SKAP2: variants seen among roughly 807,000 people sequenced by gnomAD.
SKAP2 encodes the protein src kinase associated phosphoprotein 2.
A neutral mutation model predicts 54.9 loss-of-function variants in SKAP2; 28 were observed. The ratio of observed to expected loss-of-function variants is 0.51; its 90% CI spans 0.38 to 0.70. The LOEUF (loss-of-function observed/expected upper bound fraction) is 0.70, where lower values mean the gene tolerates loss of function less well. Ranked by LOEUF, SKAP2 falls within the 30% of genes least tolerant of loss-of-function variation. SKAP2 has a pLI of 0.00. For missense variants in SKAP2, 356 were observed against 424.1 expected (o/e 0.84, Z 1.41); for synonymous variants, 137 against 134.3 (o/e 1.02, Z -0.14).
chr7:26,730,700 T>C (rs1161605374), intron 6 of SKAP2, among the ~76,000 whole-genome samples: 1 of 152,232 alleles, frequency 6.6e-6, no homozygotes, highest in Non-Finnish European at 1.5e-5. Context: ...AACTAGATAA[T>C]GAAATCTATT....
At chr7:26,706,786 A>C (rs1456711038) in intron 9 of SKAP2, among the ~76,000 whole-genome samples, 1 of 152,246 alleles carries the variant, frequency 6.6e-6, no homozygotes, top group African/African-American at 2.4e-5. Context: ...TTGAAATGCC[A>C]GCCCCATTTT....
At position 26,667,597 on chromosome 7, in the gene SKAP2, G is replaced by T. The variant is rs977740391; in HGVS notation, c.*2069C>A. The T allele has an allele frequency of 6.6e-6, 1 of 152,542 alleles. No individual in the cohort carries two copies. Among genetic ancestry groups the T allele is most frequent in the Non-Finnish European group, 1.5e-5 (1 of 68,042 alleles). The allele number at this position is 152,542 out of a possible 1,614,324, so 9.4% of individuals were successfully genotyped here. A position where few individuals can be genotyped will look rare whatever the true frequency, so the allele number is the denominator to read the frequency against. On this transcript the variant is annotated 3_prime_UTR_variant, in exon 13 of 13. Coordinates refer to ENST00000345317, the MANE Select transcript of SKAP2 (RefSeq NM_003930.5). ...ATTTCTGTATTGTCACTGTTCACGA[G>T]ACTATCTGGCTTGGAACTGTTGGTC...
At chr7:26,686,392 T>C (rs1047018412) in intron 10 of SKAP2, among the ~76,000 whole-genome samples, 2 of 152,060 alleles carry the variant, frequency 1.3e-5, no homozygotes, top group Admixed American at 6.6e-5. Context: ...AGATACCTTA[T>C]TGACTTCTCC....
intron 6 of SKAP2, among the ~76,000 whole-genome samples, chr7:26,728,431 C>G (rs1362444654): frequency 6.6e-6 from 1 of 151,942 alleles, no homozygotes; most frequent in Non-Finnish European, 1.5e-5. Flanking sequence ...TATTTGTCCG[C>G]GGAATCATTT....
intron 4 of SKAP2, among the ~76,000 whole-genome samples, chr7:26,763,523 T>C (rs1299468822): frequency 6.6e-6 from 1 of 152,174 alleles, no homozygotes; most frequent in African/African-American, 2.4e-5. Context: ...CACATGACTG[T>C]TTTTCACTTT....
At chr7:26,848,183 C>A (rs1268666465) in intron 3 of SKAP2, 1 of 152,206 alleles carries the variant, frequency 6.6e-6, no homozygotes, top group East Asian at 1.9e-4. Context: ...TGTAGCCCAA[C>A]AACAACTGAA....
chr7:26,733,412 T>C (rs954480811), intron 6 of SKAP2, among the ~76,000 whole-genome samples: 6 of 151,912 alleles, frequency 3.9e-5, no homozygotes, highest in Non-Finnish European at 7.4e-5. Flanking sequence ...TTCTGTCAAA[T>C]GAATCAGAAG....
At chr7:26,760,406 C>A (rs1402338289) in intron 4 of SKAP2, among the ~76,000 whole-genome samples, 2 of 152,080 alleles carry the variant, frequency 1.3e-5, no homozygotes, top group African/African-American at 4.8e-5. Context: ...TATAGTCACG[C>A]TCCCTTATCT....
chr7:26,711,984 AG>A (rs1290713813), intron 9 of SKAP2, among the ~76,000 whole-genome samples: 1 of 152,074 alleles, frequency 6.6e-6, no homozygotes, highest in African/African-American at 2.4e-5. Flanking sequence ...CCAAATTAGG[AG>A]AGGTGGGGAG....
intron 6 of SKAP2, among the ~76,000 whole-genome samples, chr7:26,734,571 T>C (rs1044438244): frequency 1.3e-5 from 2 of 152,236 alleles, no homozygotes; most frequent in Non-Finnish European, 2.9e-5. Flanking sequence ...AACTGGGAAA[T>C]TTATAAACAA....
intron 4 of SKAP2, among the ~76,000 whole-genome samples, chr7:26,797,777 G>A (rs1783814027): frequency 1.3e-5 from 2 of 151,894 alleles, no homozygotes; most frequent in Non-Finnish European, 2.9e-5. Flanking sequence ...AGAAATTCAA[G>A]ATAACACAGA....
chr7:26,817,969 T>TCATGGATA, intron 4 of SKAP2, among the ~76,000 whole-genome samples: 1 of 152,312 alleles, frequency 6.6e-6, no homozygotes, highest in Non-Finnish European at 1.5e-5. Flanking sequence ...CATTCCATGC[T>TCATGGATA]CATGGATAGG....
At chr7:26,751,311 A>C (rs1040119525) in intron 4 of SKAP2, among the ~76,000 whole-genome samples, 7 of 152,028 alleles carry the variant, frequency 4.6e-5, no homozygotes, top group African/African-American at 1.4e-4. Context: ...TAGTTTGAAA[A>C]CTATCAGACA....
rs564909303 is a variant in SKAP2, at chr7:26,802,743, T to G, written c.307+41287A>C. ...TAAAAATACAAAAATTAGCCAGACA[T>G]GGTAGCACGTGCCTGTAGTCCCAGC... On this transcript the variant is annotated intron_variant, in intron 4 of 12. Transcript: ENST00000345317. Among the ~76,000 whole-genome samples the G allele has an allele frequency of 5.5e-4, 84 of 152,102 alleles. 1 individual carries two copies. In the Middle Eastern group the frequency reaches 0.01, roughly 18 times the overall value.
chr7:26,746,315 C>A (rs76224878), intron 4 of SKAP2, among the ~76,000 whole-genome samples: 7,615 of 152,212 alleles, frequency 0.05, 653 homozygotes, highest in African/African-American at 0.17. Context: ...GCTATTTTCC[C>A]TGTTTCTAGA....
chr7:26,823,926 C>T (rs1270262442), intron 4 of SKAP2, among the ~76,000 whole-genome samples: 2 of 152,122 alleles, frequency 1.3e-5, no homozygotes, highest in African/African-American at 2.4e-5. Context: ...GATGAAGATG[C>T]TAACAACACT....
intron 4 of SKAP2, among the ~76,000 whole-genome samples, chr7:26,772,435 T>A (rs1783207941): frequency 6.6e-6 from 1 of 152,216 alleles, no homozygotes; most frequent in African/African-American, 2.4e-5. Flanking sequence ...TCTGTGTTCA[T>A]GTGTACTCAA....
At chr7:26,708,885 T>C (rs536096851) in intron 9 of SKAP2, among the ~76,000 whole-genome samples, 1 of 152,230 alleles carries the variant, frequency 6.6e-6, no homozygotes, top group African/African-American at 2.4e-5. Flanking sequence ...ATTTGTTGCA[T>C]GAATAATTGA....
chr7:26,754,894 T>C (rs1294540328), intron 4 of SKAP2, among the ~76,000 whole-genome samples: 3 of 152,194 alleles, frequency 2.0e-5, no homozygotes, highest in East Asian at 1.9e-4. Context: ...CAATGACCTC[T>C]TGAAAATATG....
Sources: allele counts gnomAD v4.1 joint callset (sites outside exome capture counted in the v4.1 genomes callset), GRCh38; gene constraint gnomAD v4.1.1; transcripts MANE v1.5; gene names NCBI Gene and HGNC (gene_info 2026-07-23, HGNC 2026-07-21).